Variants in CDH8 observed in about 807,000 individuals in gnomAD.
The protein encoded by CDH8 is cadherin 8.
A neutral mutation model predicts 68.1 loss-of-function variants in CDH8; 17 were observed. That is an observed-to-expected ratio of 0.25 (90% CI 0.17 to 0.37). CDH8 has a LOEUF of 0.37. CDH8 is among the 10% of genes least tolerant of loss of function. The probability of loss-of-function intolerance (pLI) is 1.00; values close to 1 mark genes in which losing one functional copy is unlikely to be tolerated. For missense variants in CDH8, 763 were observed against 999.3 expected, an observed-to-expected ratio of 0.76 and a Z score of 3.19; for synonymous variants, 372 against 365.1, an observed-to-expected ratio of 1.02 and a Z score of -0.21.
In CDH8 at chr16:61,653,794, G is replaced by A. The variant is rs542676364; in HGVS notation, c.2214C>T (p.Ala738=). The A allele has an allele frequency of 5.0e-6, 8 of 1,614,182 alleles. No individual in the cohort carries two copies. In the Admixed American group the frequency reaches 6.7e-5, roughly 13 times the overall value. ...ATATCTGAATGGAGTCATATGGCGGGGCCGTGGGATCATTATCTGCCTCAT... is the reference window on the plus strand; with the variant it reads ...ATATCTGAATGGAGTCATATGGCGGAGCCGTGGGATCATTATCTGCCTCAT... ...RLHEADNDPT[A]PPYDSIQIYG... is the part of the protein sequence containing the mutation. The change falls in exon 12 of 12, where the codon GCC becomes GCT. Residue 738 remains alanine (A), a synonymous_variant. Coordinates refer to ENST00000577390, the MANE Select transcript of CDH8 (RefSeq NM_001796.5).
intron 2 of CDH8, among the ~76,000 whole-genome samples, chr16:61,998,683 G>C (rs1191786152): frequency 6.6e-6 from 1 of 152,126 alleles, no homozygotes; most frequent in Non-Finnish European, 1.5e-5. Context: ...TTAGCCCATG[G>C]ATCAAAGGAC....
At chr16:61,995,220 C>T (rs1458257193) in intron 2 of CDH8, among the ~76,000 whole-genome samples, 12 of 152,114 alleles carry the variant, frequency 7.9e-5, no homozygotes, top group Admixed American at 7.9e-4. Flanking sequence ...CATCTCAGGA[C>T]TGGACTGACC....
intron 2 of CDH8, among the ~76,000 whole-genome samples, chr16:61,955,020 A>G (rs966994766): frequency 6.6e-6 from 1 of 152,240 alleles, no homozygotes; most frequent in Non-Finnish European, 1.5e-5. Flanking sequence ...TGTAGAAATG[A>G]AACAGAGTCA....
intron 2 of CDH8, among the ~76,000 whole-genome samples, chr16:61,910,338 CAA>C (rs34671955): frequency 0.28 from 34,036 of 120,680 alleles, 4,727 homozygotes; most frequent in African/African-American, 0.45. Context: ...CAAGCAGCCA[CAA>C]AAAAAAAAAA....
chr16:61,800,261 T>C (rs969147818), intron 7 of CDH8, among the ~76,000 whole-genome samples: 1 of 152,216 alleles, frequency 6.6e-6, no homozygotes, highest in African/African-American at 2.4e-5. Flanking sequence ...AAATATTTTT[T>C]ACCAAAAATG....
chr16:61,811,601 ATG>A lies in CDH8; in HGVS notation c.1277+5876_1277+5877del, dbSNP rs1427052464. Among the ~76,000 whole-genome samples the A allele has an allele frequency of 2.0e-5, 3 of 152,284 alleles. No individual in the cohort carries two copies. The South Asian group carries it at 6.2e-4, about 32-fold the overall frequency. On this transcript the variant is annotated intron_variant, in intron 7 of 11. Transcript: ENST00000577390. ...ATATTAAAAAGATATTAGCACTCCT[ATG>A]TTCATAGTATTTACAATAGCCAAAA...
intron 3 of CDH8, among the ~76,000 whole-genome samples, chr16:61,882,619 G>T (rs1454015047): frequency 6.6e-6 from 1 of 152,150 alleles, no homozygotes; most frequent in African/African-American, 2.4e-5. Flanking sequence ...ACAAATGTAA[G>T]AACAGTAAAC....
intron 4 of CDH8, among the ~76,000 whole-genome samples, chr16:61,847,249 A>C (rs889936822): frequency 6.6e-6 from 1 of 152,126 alleles, no homozygotes; most frequent in African/African-American, 2.4e-5. Flanking sequence ...TAGTGAGGAA[A>C]CCATCCAAGA....
At chr16:61,956,286 A>G (rs1255693759) in intron 2 of CDH8, among the ~76,000 whole-genome samples, 1 of 152,184 alleles carries the variant, frequency 6.6e-6, no homozygotes, top group Non-Finnish European at 1.5e-5. Flanking sequence ...ATTGCATAAC[A>G]GAAGTGATAT....
At chr16:62,010,127 C>T (rs1300395924) in intron 2 of CDH8, among the ~76,000 whole-genome samples, 2 of 152,126 alleles carry the variant, frequency 1.3e-5, no homozygotes, top group Non-Finnish European at 2.9e-5. Context: ...TTTTTCTTTT[C>T]AAAAGGGATT....
chr16:61,950,683 C>A (rs1356892741), intron 2 of CDH8, among the ~76,000 whole-genome samples: 1 of 152,080 alleles, frequency 6.6e-6, no homozygotes, highest in African/African-American at 2.4e-5. Context: ...ATTTTTATGT[C>A]ATTAAAACCG....
At chr16:62,032,748 T>A (rs902351901) in intron 1 of CDH8, among the ~76,000 whole-genome samples, 1 of 152,204 alleles carries the variant, frequency 6.6e-6, no homozygotes, top group Non-Finnish European at 1.5e-5. Context: ...GAATTGAATG[T>A]CACTTTACCC....
At chr16:61,752,636 C>G (rs549248883) in intron 8 of CDH8, among the ~76,000 whole-genome samples, 12 of 152,232 alleles carry the variant, frequency 7.9e-5, no homozygotes, top group Middle Eastern at 3.4e-3. Context: ...ATGTATTTTT[C>G]TTTCCTGAAT....
chr16:61,697,582 C>A (rs564276832), intron 10 of CDH8, among the ~76,000 whole-genome samples: 22 of 152,124 alleles, frequency 1.4e-4, no homozygotes, highest in African/African-American at 5.1e-4. Flanking sequence ...CAAGCTCCAC[C>A]TCCCCAGCTC....
chr16:61,722,425 ATTC>A (rs1311688398), intron 9 of CDH8, among the ~76,000 whole-genome samples: 2 of 150,802 alleles, frequency 1.3e-5, no homozygotes, highest in African/African-American at 2.4e-5. Flanking sequence ...TATTCATTCT[ATTC>A]TTCTCATAAA....
chr16:61,848,391 C>T (rs1385937941), intron 4 of CDH8, among the ~76,000 whole-genome samples: 3 of 152,096 alleles, frequency 2.0e-5, no homozygotes, highest in Non-Finnish European at 4.4e-5. Flanking sequence ...CTATGGTCAA[C>T]ACTGGAAAGC....
At chr16:61,737,285 G>A (rs967940075) in intron 8 of CDH8, among the ~76,000 whole-genome samples, 6 of 152,104 alleles carry the variant, frequency 3.9e-5, no homozygotes, top group African/African-American at 1.4e-4. Context: ...GTTTACTAGT[G>A]GGGCACAATA....
At chr16:61,714,572 C>T (rs1397451631) in intron 9 of CDH8, among the ~76,000 whole-genome samples, 1 of 151,484 alleles carries the variant, frequency 6.6e-6, no homozygotes, top group Non-Finnish European at 1.5e-5. Context: ...ATTAGAATTA[C>T]CACGGTGCAG....
chr16:61,846,662 G>T (rs1962812578), intron 4 of CDH8, among the ~76,000 whole-genome samples: 1 of 152,010 alleles, frequency 6.6e-6, no homozygotes, highest in Non-Finnish European at 1.5e-5. Flanking sequence ...TTTGCCCAGA[G>T]ATTTTATTTC....
Sources: allele counts gnomAD v4.1 joint callset (sites outside exome capture counted in the v4.1 genomes callset), GRCh38; gene constraint gnomAD v4.1.1; transcripts MANE v1.5; gene names NCBI Gene and HGNC (gene_info 2026-07-23, HGNC 2026-07-21).